Variants in RBM5 observed in about 807,000 individuals in gnomAD.
The protein encoded by RBM5 is RNA binding motif protein 5.
In RBM5, 15 loss-of-function variants were observed where a neutral mutation model predicts 124.6. The ratio of observed to expected loss-of-function variants is 0.12; its 90% CI spans 0.08 to 0.19. The LOEUF is 0.19. Ranked by LOEUF, RBM5 falls within the 10% of genes least tolerant of loss-of-function variation. RBM5 has a pLI of 1.00. For synonymous variants in RBM5, 337 were observed against 361.2 expected (o/e 0.93, Z 0.76); for missense variants, 580 against 1,026.5 (o/e 0.57, Z 5.94).
intron 4 of RBM5, among the ~76,000 whole-genome samples, chr3:50,096,221 A>T (rs1352521308): frequency 6.6e-6 from 1 of 151,758 alleles, no homozygotes; most frequent in East Asian, 1.9e-4. Flanking sequence ...GAGTATGGTA[A>T]CTCATGCCTG....
chr3:50,093,628 C>T (rs2090750647), intron 3 of RBM5, 92 bp from the exon 4 acceptor site: 1 of 1,400,418 alleles, frequency 7.1e-7, no homozygotes, highest in East Asian at 2.3e-5. Flanking sequence ...AATCTCTGTA[C>T]ACTTCCTGCT....
At chr3:50,099,712 A>G (rs2090899549) in intron 4 of RBM5, 1 of 207,584 alleles carries the variant, frequency 4.8e-6, no homozygotes, top group South Asian at 1.1e-4. Flanking sequence ...AAAAAAAAAA[A>G]TCAGTCACGC....
chr3:50,105,048 G>A, intron 8 of RBM5, 29 bp from the exon 9 acceptor site: 1 of 1,473,768 alleles, frequency 6.8e-7, no homozygotes, highest in Non-Finnish European at 9.5e-7. Context: ...TTAGTTGTTT[G>A]TCTCTAATTG....
intron 4 of RBM5, among the ~76,000 whole-genome samples, chr3:50,098,655 G>C (rs1001630850): frequency 6.6e-6 from 1 of 152,058 alleles, no homozygotes; most frequent in East Asian, 1.9e-4. Flanking sequence ...TGTTAGCCAG[G>C]ATGGTCTCCA....
chr3:50,106,965 T>C, intron 11 of RBM5, 101 bp downstream of exon 11: 1 of 1,003,100 alleles, frequency 1.0e-6, no homozygotes, highest in Non-Finnish European at 1.6e-6. Flanking sequence ...GTTGAGACAC[T>C]GTGATCCTCC....
intron 3 of RBM5, chr3:50,092,821 G>T: frequency 7.2e-6 from 3 of 418,714 alleles, no homozygotes; most frequent in Non-Finnish European, 1.5e-5. Context: ...GGCCGAGGCA[G>T]GAGGATCCCT....
At chr3:50,108,536 A>G (rs2091081713) in intron 14 of RBM5, among the ~76,000 whole-genome samples, 1 of 152,074 alleles carries the variant, frequency 6.6e-6, no homozygotes. Context: ...GTGAAACCCC[A>G]TCTCAGCTAA....
At position 50,118,795 on chromosome 3, in the gene RBM5, T is replaced by A; in HGVS notation, c.*339T>A. 2 of 233,508 alleles carry A rather than the reference T, an allele frequency of 8.6e-6. No homozygotes were observed. The highest frequency in any genetic ancestry group is 1.0e-4 in the Admixed American group (2 of 19,218). The allele number at this position is 233,508 out of a possible 1,614,324, so 14.5% of individuals were successfully genotyped here. On this transcript the variant is annotated 3_prime_UTR_variant, in exon 25 of 25. Coordinates refer to ENST00000347869, the MANE Select transcript of RBM5 (RefSeq NM_005778.4). ...TCACATTCCTAGGGGTTTGAGATGCTGTAGGTGGTATGTGACACCAAAGCC... is the reference window on the plus strand; with the variant it reads ...TCACATTCCTAGGGGTTTGAGATGCAGTAGGTGGTATGTGACACCAAAGCC...
chr3:50,099,931 A>T (rs1222755959), intron 4 of RBM5, 51 bp from the exon 5 acceptor site: 2 of 1,525,412 alleles, frequency 1.3e-6, no homozygotes, highest in Non-Finnish European at 1.8e-6. Flanking sequence ...TTCCATGGGG[A>T]ATAGTGTGTG....
chr3:50,090,061 T>G, intron 1 of RBM5: 1 of 200,530 alleles, frequency 5.0e-6, no homozygotes, highest in South Asian at 7.6e-5. Flanking sequence ...AGGAGCTGAT[T>G]GTAGCTCTGC....
chr3:50,102,981 A>T lies in RBM5; in HGVS notation c.484-102A>T, dbSNP rs182533692. ...GGTTGGTCCTCCCCGTATGTTGTCC[A>T]TTTAATTCCAGAGCACTGATTTTTC... On this transcript the variant is annotated intron_variant, in intron 6 of 24. Coordinates refer to ENST00000347869, the MANE Select transcript of RBM5 (RefSeq NM_005778.4). 5.8e-4 allele frequency: 543 copies of T among 928,338 alleles called. 2 individuals are homozygous for T. The highest frequency in any genetic ancestry group is 7.8e-4 in the Non-Finnish European group (442 of 567,652). 57.5% of individuals were successfully genotyped at this position (928,338 alleles called of 1,614,324 possible). A position where few individuals can be genotyped will look rare whatever the true frequency, so the allele number is the denominator to read the frequency against.
At chr3:50,090,250 C>G (rs2090680363) in intron 1 of RBM5, 132 bp from the exon 2 acceptor site, 2 of 598,742 alleles carry the variant, frequency 3.3e-6, no homozygotes, top group Non-Finnish European at 2.9e-6. Context: ...CCACCACTTC[C>G]CCACCTTAGA....
chr3:50,093,663 G>A, intron 3 of RBM5, 57 bp from the exon 4 acceptor site: 2 of 1,529,492 alleles, frequency 1.3e-6, no homozygotes, highest in Middle Eastern at 1.7e-4. Flanking sequence ...GGAGTGGAGG[G>A]TCTGTTTCAA....
rs1393944394 is a variant in RBM5 at position 50,107,497 on chromosome 3, A to G, written c.969A>G (p.Ser323=). The G allele has an allele frequency of 1.2e-6, 2 of 1,604,276 alleles. No individual in the cohort carries two copies. The highest frequency in any genetic ancestry group is 4.5e-5 in the East Asian group (2 of 44,808). Reference sequence around the variant, plus strand: ...GTGGTTTCAGAGACTTGGTCCTCTCAGATGGTAACCGCGTCAGCGCTTTCT... The same window carrying G: ...GTGGTTTCAGAGACTTGGTCCTCTCGGATGGTAACCGCGTCAGCGCTTTCT... The part of the protein sequence containing the change: ...AKSARKDLVL[S]DGNRVSAFSV... The change falls in exon 12 of 25, where the codon TCA becomes TCG. Residue 323 remains serine, a synonymous_variant. Coordinates refer to ENST00000347869, the MANE Select transcript of RBM5 (RefSeq NM_005778.4).
At position 50,110,697 on chromosome 3, in the gene RBM5, C is replaced by T; in HGVS notation, c.1382C>T (p.Thr461Ile). The change falls in exon 17 of 25, where the codon ACT becomes ATT. Residue 461 changes from threonine (T) to isoleucine (I), a missense_variant. By Grantham distance (89) the Thr-to-Ile change is moderately conservative. This residue lies in a region of RBM5 where 104 missense variants were observed against 128.7 expected (regional missense o/e 0.81). Coordinates refer to ENST00000347869, the MANE Select transcript of RBM5 (RefSeq NM_005778.4). ...GTKYAVPDTSTYQYDESSGYY... is the reference protein window; with the variant it reads ...GTKYAVPDTSIYQYDESSGYY... ...TTTGCAGCAGTACCTGACACGTCCA[C>T]TTACCAGTATGATGAATCTTCAGGA... 8 of 1,613,448 alleles carry T rather than the reference C, an allele frequency of 5.0e-6. No individual in the cohort carries two copies. The highest frequency in any genetic ancestry group is 6.8e-6 in the Non-Finnish European group (8 of 1,179,532).
intron 17 of RBM5, 32 bp from the exon 18 acceptor site, chr3:50,113,351 G>T (rs2091183221): frequency 2.5e-6 from 4 of 1,587,334 alleles, no homozygotes; most frequent in Non-Finnish European, 3.4e-6. Flanking sequence ...CAGAAAGTCT[G>T]CATTAATTGT....
At chr3:50,093,663 G>C in intron 3 of RBM5, 57 bp from the exon 4 acceptor site, 1 of 1,529,492 alleles carries the variant, frequency 6.5e-7, no homozygotes, top group Non-Finnish European at 9.0e-7. Context: ...GGAGTGGAGG[G>C]TCTGTTTCAA....
chr3:50,110,771 G>A lies in RBM5; in HGVS notation c.1455+1G>A. On this transcript the variant is annotated splice_donor_variant, in intron 17 of 24. Transcript: ENST00000347869. LOFTEE classifies it high-confidence loss of function. ...GCTCTATTATGACCCCAACTCGCAA[G>A]TAAATGTGCTGCTTTCCTCCTCAAT... 6.2e-7 allele frequency: 1 copy of A among 1,601,254 alleles called. No homozygotes were observed. Among genetic ancestry groups the A allele is most frequent in the East Asian group, 2.2e-5 (1 of 44,752 alleles).
rs2090924912 is a variant in RBM5, at chr3:50,100,904, A to G, written c.483+299A>G. On this transcript the variant is annotated intron_variant, in intron 6 of 24. Coordinates refer to ENST00000347869, the MANE Select transcript of RBM5 (RefSeq NM_005778.4). This position sits in a 1 kb window ranked among gnomAD's most constrained non-coding sequence, Gnocchi z 5.1. Reference sequence around the variant, plus strand: ...CTTTTTTCTAGTTTGTTATATTCCTATTATGTCCATTGAGAGTAAGCTTAG... The same window carrying G: ...CTTTTTTCTAGTTTGTTATATTCCTGTTATGTCCATTGAGAGTAAGCTTAG... 3 of 268,618 alleles carry G rather than the reference A, an allele frequency of 1.1e-5. No homozygotes were observed. Among genetic ancestry groups the G allele is most frequent in the Non-Finnish European group, 2.1e-5 (3 of 143,036 alleles). The allele number at this position is 268,618 out of a possible 1,614,324, so 16.6% of individuals were successfully genotyped here.
Sources: gnomAD v4.1 joint callset for allele counts (sites outside exome capture counted in the v4.1 genomes callset) on GRCh38, gnomAD v4.1.1 for gene constraint, gnomAD v4.1.1 regional missense constraint, Gnocchi (gnomAD v3.1) non-coding constraint, MANE v1.5 for transcripts, NCBI Gene and HGNC (gene_info 2026-07-23, HGNC 2026-07-21) for gene names.